The following NTRK2 variants were observed in gnomAD, a reference collection of about 807,000 sequenced individuals.
The protein encoded by NTRK2 is neurotrophic receptor tyrosine kinase 2, also known as BDNF/NT-3 growth factors receptor.
Under a neutral mutation model 94.5 loss-of-function variants are expected in NTRK2, and 13 were observed. The observed-to-expected ratio is 0.14, with a 90% CI of 0.09 to 0.22. The LOEUF (loss-of-function observed/expected upper bound fraction) is 0.22, where lower values mean the gene tolerates loss of function less well. NTRK2 is among the 10% of genes least tolerant of loss of function. The probability of loss-of-function intolerance (pLI) is 1.00; values close to 1 mark genes in which losing one functional copy is unlikely to be tolerated. For missense variants in NTRK2, 639 were observed against 1,071.2 expected (o/e 0.60, Z 5.63); for synonymous variants, 372 against 407.4 (o/e 0.91, Z 1.05).
At chr9:84,828,410 T>C (rs1297278099) in intron 12 of NTRK2, among the ~76,000 whole-genome samples, 1 of 152,224 alleles carries the variant, frequency 6.6e-6, no homozygotes, top group African/African-American at 2.4e-5. Context: ...TGCATTTCCA[T>C]AGATATGCTT....
chr9:84,950,255 T>G (rs957546595), intron 16 of NTRK2, among the ~76,000 whole-genome samples: 6 of 152,196 alleles, frequency 3.9e-5, no homozygotes, highest in Admixed American at 6.5e-5. Flanking sequence ...GAGCTGAGTT[T>G]GATAAGATGC....
chr9:84,723,751 G>T, intron 7 of NTRK2, 42 bp downstream of exon 7: 1 of 1,613,024 alleles, frequency 6.2e-7, no homozygotes, highest in African/African-American at 1.3e-5. Context: ...AGAGACAAGA[G>T]TGTTTCAGAA....
intron 12 of NTRK2, among the ~76,000 whole-genome samples, chr9:84,842,612 A>G (rs2074249254): frequency 6.6e-6 from 1 of 152,116 alleles, no homozygotes; most frequent in Non-Finnish European, 1.5e-5. Context: ...AGAAACCGGC[A>G]TGCTCATGGG....
chr9:84,723,844 A>G (rs1564129297), intron 7 of NTRK2, 135 bp downstream of exon 7: 4 of 1,247,942 alleles, frequency 3.2e-6, no homozygotes, highest in Non-Finnish European at 4.7e-6. Context: ...TTTTTGATGT[A>G]CATTCACTTT....
chr9:84,820,770 C>G (rs185140058), intron 12 of NTRK2, among the ~76,000 whole-genome samples: 113 of 152,306 alleles, frequency 7.4e-4, no homozygotes, highest in African/African-American at 2.4e-3. Context: ...GGAGGTACCT[C>G]CACAAACCAA....
intron 12 of NTRK2, among the ~76,000 whole-genome samples, chr9:84,778,761 C>T (rs1167980285): frequency 6.6e-6 from 1 of 152,244 alleles, no homozygotes; most frequent in Non-Finnish European, 1.5e-5. Context: ...CTGAACTGTG[C>T]AGTTCCCGCT....
rs563584764 is a variant in NTRK2 at position 84,709,878 on chromosome 9, T to A, written c.429-759T>A. On this transcript the variant is annotated intron_variant, in intron 5 of 18. Transcript: ENST00000277120. ...GAGTCCAGGCAGCATGGCTGAGGTC[T>A]GAATGGCGGTGGCTTTCCACCCACA... Among the ~76,000 whole-genome samples, 3 of 152,320 alleles carry A rather than the reference T, an allele frequency of 2.0e-5. No homozygotes were observed. The South Asian group carries it at 6.2e-4, about 32-fold the overall frequency.
chr9:84,684,869 C>T (rs1305332351), intron 2 of NTRK2, among the ~76,000 whole-genome samples: 4 of 152,000 alleles, frequency 2.6e-5, no homozygotes, highest in African/African-American at 9.7e-5. Flanking sequence ...ATTTGTACTT[C>T]ACCTAATGTT....
chr9:84,756,355 T>G (rs1214800438), intron 12 of NTRK2, among the ~76,000 whole-genome samples: 1 of 151,802 alleles, frequency 6.6e-6, no homozygotes, highest in East Asian at 1.9e-4. Context: ...GACGTAGGAG[T>G]GCATGTGAGG....
At chr9:84,772,772 A>G (rs1441915480) in intron 12 of NTRK2, among the ~76,000 whole-genome samples, 2 of 152,120 alleles carry the variant, frequency 1.3e-5, no homozygotes, top group Non-Finnish European at 2.9e-5. Flanking sequence ...CTCTGCACAG[A>G]CGAGATGGAG....
intron 12 of NTRK2, among the ~76,000 whole-genome samples, chr9:84,820,576 C>A (rs781719779): frequency 2.0e-5 from 3 of 152,102 alleles, no homozygotes; most frequent in Non-Finnish European, 2.9e-5. Context: ...TTTAACTTTT[C>A]GTTAATTTTT....
intron 12 of NTRK2, among the ~76,000 whole-genome samples, chr9:84,757,598 T>C (rs1223698547): frequency 6.6e-6 from 1 of 152,246 alleles, no homozygotes; most frequent in African/African-American, 2.4e-5. Context: ...GCCTCGGTAT[T>C]TCCGTCTGTA....
chr9:84,755,069 A>C (rs2064964935), intron 12 of NTRK2, among the ~76,000 whole-genome samples: 2 of 152,194 alleles, frequency 1.3e-5, no homozygotes, highest in South Asian at 4.1e-4. Context: ...TTACTCCTGC[A>C]AACATTACTT....
intron 17 of NTRK2, among the ~76,000 whole-genome samples, chr9:84,971,158 T>C (rs1391158836): frequency 6.6e-6 from 1 of 152,192 alleles, no homozygotes; most frequent in African/African-American, 2.4e-5. Flanking sequence ...GTCATTCTTC[T>C]TGATGGAACA....
intron 10 of NTRK2, among the ~76,000 whole-genome samples, chr9:84,744,113 C>A (rs978235598): frequency 6.6e-6 from 1 of 152,168 alleles, no homozygotes; most frequent in Admixed American, 6.5e-5. Flanking sequence ...CATTATAAAC[C>A]TCATTGTTTG....
At chr9:84,942,089 T>C (rs2078430408) in intron 15 of NTRK2, among the ~76,000 whole-genome samples, 1 of 151,948 alleles carries the variant, frequency 6.6e-6, no homozygotes, top group African/African-American at 2.4e-5. Context: ...TTGATATACA[T>C]AGAGTATTGT....
chr9:84,897,357 G>T (rs920425658), intron 14 of NTRK2, among the ~76,000 whole-genome samples: 1 of 152,080 alleles, frequency 6.6e-6, no homozygotes, highest in Non-Finnish European at 1.5e-5. Context: ...GGATGGTCTC[G>T]ATCTCCTGAA....
At chr9:84,976,426 T>C (rs1826875675) in intron 17 of NTRK2, among the ~76,000 whole-genome samples, 1 of 152,050 alleles carries the variant, frequency 6.6e-6, no homozygotes, top group South Asian at 2.1e-4. Flanking sequence ...GCATGAGGAG[T>C]GAGGGCTTCA....
At chr9:84,975,647 T>A (rs1227571840) in intron 17 of NTRK2, among the ~76,000 whole-genome samples, 1 of 152,186 alleles carries the variant, frequency 6.6e-6, no homozygotes, top group Middle Eastern at 3.2e-3. Flanking sequence ...TCAGTCTGTT[T>A]ATCAGTGCAA....
Sources: allele counts gnomAD v4.1 joint callset (sites outside exome capture counted in the v4.1 genomes callset), GRCh38; gene constraint gnomAD v4.1.1; transcripts MANE v1.5; gene names NCBI Gene and HGNC (gene_info 2026-07-23, HGNC 2026-07-21).